Variants in TSHZ2 observed in about 807,000 individuals in gnomAD.
TSHZ2 encodes the protein teashirt homolog 2.
A neutral mutation model predicts 74.4 loss-of-function variants in TSHZ2; 21 were observed. The observed-to-expected ratio is 0.28, with a 90% CI of 0.20 to 0.41. TSHZ2 has a LOEUF of 0.41. Among genes scored for constraint, TSHZ2 ranks in the 10% least tolerant of loss-of-function variants. TSHZ2 has a pLI of 1.00. For missense variants in TSHZ2, 1,244 were observed against 1,293.5 expected (o/e 0.96, Z 0.59); for synonymous variants, 540 against 515.3 (o/e 1.05, Z -0.65).
At chr20:53,144,123 A>G (rs1293414) in intron 1 of TSHZ2, among the ~76,000 whole-genome samples, 9,597 of 152,282 alleles carry the variant, frequency 0.063, 385 homozygotes, top group Non-Finnish European at 0.089. Flanking sequence ...CAGGGTCTGC[A>G]TAATACCTCA....
chr20:53,181,819 C>T (rs6126774), intron 1 of TSHZ2, among the ~76,000 whole-genome samples: 27,282 of 152,064 alleles, frequency 0.18, 3,155 homozygotes, highest in East Asian at 0.6. Context: ...ACCCGGGAAG[C>T]GGAGCTTGCA....
At chr20:53,275,664 A>G (rs1210041210) in intron 2 of TSHZ2, among the ~76,000 whole-genome samples, 1 of 152,230 alleles carries the variant, frequency 6.6e-6, no homozygotes, top group Non-Finnish European at 1.5e-5. Flanking sequence ...ACGCTGGCTC[A>G]TGCCTATAAT....
Position 53,260,216 on chromosome 20 carries a change from C to T in TSHZ2, c.*8+3645C>T, listed in dbSNP as rs368078727. The stretch of plus-strand genomic sequence containing the variant: ...AGTTCTACCAATTGTAATAGCAAAA[C>T]ATGCCAAGCCTTGCAGCAAGCACTT... On this transcript the variant is annotated intron_variant, in intron 2 of 2. Coordinates refer to ENST00000371497, the MANE Select transcript of TSHZ2 (RefSeq NM_173485.6). Among the ~76,000 whole-genome samples, 7 of 152,314 alleles carry T rather than the reference C, an allele frequency of 4.6e-5. No individual in the cohort carries two copies. In the South Asian group the frequency reaches 8.3e-4, roughly 18 times the overall value.
In TSHZ2 at chr20:53,098,564, T is replaced by C. The variant is rs540391007; in HGVS notation, c.40+125231T>C. 2.1e-3 allele frequency among the ~76,000 whole-genome samples: 317 copies of C among 152,338 alleles called. 1 individual carries two copies. Among genetic ancestry groups the C allele is most frequent in the Middle Eastern group, 6.8e-3 (2 of 294 alleles). On this transcript the variant is annotated intron_variant, in intron 1 of 2. Transcript: ENST00000371497. The stretch of plus-strand genomic sequence containing the variant: ...AGTTAATAATACTGCAAATGTTTAA[T>C]GTGTAGAATTTTTTTGGTCCCATTT...
At chr20:52,975,588 A>C (rs981895440) in intron 1 of TSHZ2, among the ~76,000 whole-genome samples, 1 of 151,666 alleles carries the variant, frequency 6.6e-6, no homozygotes, top group African/African-American at 2.4e-5. Flanking sequence ...TTATATTCCT[A>C]CTGTCTTTGT....
intron 2 of TSHZ2, among the ~76,000 whole-genome samples, chr20:53,390,974 T>G (rs1339256139): frequency 6.6e-6 from 1 of 152,222 alleles, no homozygotes; most frequent in Non-Finnish European, 1.5e-5. Context: ...TCTGATGCAA[T>G]GTGAAGCAGC....
rs1467868696 is a variant in TSHZ2, at chr20:53,487,738, TAGA to T, written c.*608_*610del. 6.6e-6 allele frequency: 1 copy of T among 152,166 alleles called. No homozygotes were observed. Among genetic ancestry groups the T allele is most frequent in the Admixed American group, 6.6e-5 (1 of 15,252 alleles). The allele number at this position is 152,166 out of a possible 1,614,324, so 9.4% of individuals were successfully genotyped here. ...TAGGGGACCATTAATCACTGCAAAG[TAGA>T]AGAATTATTAAGTTAAACCAGAGTT... On this transcript the variant is annotated 3_prime_UTR_variant, in exon 3 of 3. Transcript: ENST00000371497.
intron 1 of TSHZ2, among the ~76,000 whole-genome samples, chr20:53,234,535 TAGAAC>T (rs1989897117): frequency 1.3e-5 from 2 of 151,948 alleles, no homozygotes; most frequent in Admixed American, 1.3e-4. Flanking sequence ...AAAAGAAAAA[TAGAAC>T]AGAAGAAGGG....
chr20:53,075,051 T>G (rs1985323761), intron 1 of TSHZ2, among the ~76,000 whole-genome samples: 1 of 152,204 alleles, frequency 6.6e-6, no homozygotes, highest in Non-Finnish European at 1.5e-5. Context: ...GACAAAAAAT[T>G]GAATGTCATC....
intron 2 of TSHZ2, among the ~76,000 whole-genome samples, chr20:53,305,618 T>C (rs759307252): frequency 6.6e-6 from 1 of 152,208 alleles, no homozygotes; most frequent in Non-Finnish European, 1.5e-5. Context: ...GGTGCTTTGA[T>C]CTCACCTTGA....
At chr20:53,362,604 G>A (rs957808482) in intron 2 of TSHZ2, among the ~76,000 whole-genome samples, 12 of 152,300 alleles carry the variant, frequency 7.9e-5, no homozygotes, top group Non-Finnish European at 1.6e-4. Context: ...CTCATGTCAT[G>A]AAGGCAATAT....
chr20:53,256,213 A>G lies in TSHZ2; in HGVS notation c.2755A>G (p.Met919Val), dbSNP rs750066288. The G allele has an allele frequency of 3.7e-6, 6 of 1,613,478 alleles. No individual in the cohort carries two copies. The South Asian group carries it at 5.5e-5, about 15-fold the overall frequency. ...KTGGTKFLKN[M>V]DKGHPIFYCS... ...GGGCGGGACAAAATTTCTGAAAAACATGGACAAAGGCCACCCCATCTTTTA... is the reference window on the plus strand; with the variant it reads ...GGGCGGGACAAAATTTCTGAAAAACGTGGACAAAGGCCACCCCATCTTTTA... The change falls in exon 2 of 3, where the codon ATG becomes GTG. Residue 919 changes from methionine (M) to valine (V), a missense_variant. This residue lies in a region of TSHZ2 where 185 missense variants were observed against 213.3 expected (regional missense o/e 0.87). Coordinates refer to ENST00000371497, the MANE Select transcript of TSHZ2 (RefSeq NM_173485.6). This position sits in a 1 kb window ranked among gnomAD's most constrained non-coding sequence, Gnocchi z 4.3.
chr20:53,195,838 G>A (rs1169665371), intron 1 of TSHZ2, among the ~76,000 whole-genome samples: 1 of 152,110 alleles, frequency 6.6e-6, no homozygotes, highest in Non-Finnish European at 1.5e-5. Flanking sequence ...TCTCTCTTCT[G>A]CCCTCCCTCC....
chr20:53,127,418 C>A (rs1362576566), intron 1 of TSHZ2, among the ~76,000 whole-genome samples: 2 of 152,220 alleles, frequency 1.3e-5, no homozygotes, highest in East Asian at 3.8e-4. Flanking sequence ...TAGAAAGAAG[C>A]TATGGCTGGG....
chr20:52,988,521 T>A (rs565233570), intron 1 of TSHZ2, among the ~76,000 whole-genome samples: 17 of 151,412 alleles, frequency 1.1e-4, no homozygotes, highest in Non-Finnish European at 2.5e-4. Flanking sequence ...ATAGTATAGA[T>A]ACATGGAGGC....
At chr20:53,151,660 TAA>T (rs1195714939) in intron 1 of TSHZ2, among the ~76,000 whole-genome samples, 1 of 152,194 alleles carries the variant, frequency 6.6e-6, no homozygotes, top group African/African-American at 2.4e-5. Context: ...TCACAGAAAA[TAA>T]GTTTAAAAAA....
chr20:53,079,377 G>A (rs1320803912), intron 1 of TSHZ2, among the ~76,000 whole-genome samples: 1 of 152,172 alleles, frequency 6.6e-6, no homozygotes, highest in Non-Finnish European at 1.5e-5. Context: ...TCTCATGCGG[G>A]TTGCCAGACA....
At chr20:53,101,184 A>G (rs1404605162) in intron 1 of TSHZ2, among the ~76,000 whole-genome samples, 7 of 152,196 alleles carry the variant, frequency 4.6e-5, no homozygotes, top group Non-Finnish European at 8.8e-5. Flanking sequence ...TGTTTTGTCA[A>G]TGACTGGATA....
chr20:53,247,593 C>T (rs540264178), intron 1 of TSHZ2, among the ~76,000 whole-genome samples: 1 of 152,222 alleles, frequency 6.6e-6, no homozygotes, highest in Non-Finnish European at 1.5e-5. Flanking sequence ...ACTAGAGACT[C>T]ATGACAGGGA....
Sources: gnomAD v4.1 joint callset for allele counts (sites outside exome capture counted in the v4.1 genomes callset) on GRCh38, gnomAD v4.1.1 for gene constraint, gnomAD v4.1.1 regional missense constraint, Gnocchi (gnomAD v3.1) non-coding constraint, MANE v1.5 for transcripts, NCBI Gene and HGNC (gene_info 2026-07-23, HGNC 2026-07-21) for gene names.